Variants in VPS13C observed in about 807,000 individuals in gnomAD.
VPS13C encodes the protein intermembrane lipid transfer protein VPS13C.
VPS13C carries 358 observed loss-of-function variants against 456.8 expected under a neutral mutation model. The observed-to-expected ratio is 0.78, with a 90% CI of 0.72 to 0.86. The LOEUF (loss-of-function observed/expected upper bound fraction) is 0.86. Ranked by LOEUF, VPS13C falls within the 40% of genes least tolerant of loss-of-function variation. The pLI is 0.00. For synonymous variants in VPS13C, 1,578 were observed against 1,486.7 expected (o/e 1.06, Z -1.41); for missense variants, 4,818 against 4,385.4 (o/e 1.10, Z -2.79).
intron 13 of VPS13C, 26 bp from the exon 14 acceptor site, chr15:62,008,787 T>C: frequency 7.5e-7 from 1 of 1,337,598 alleles, no homozygotes; most frequent in Non-Finnish European, 1.0e-6. Flanking sequence ...TAAAATTATA[T>C]TTATTACACT....
intron 3 of VPS13C, among the ~76,000 whole-genome samples, chr15:62,040,241 T>A (rs1453644832): frequency 1.3e-5 from 2 of 151,992 alleles, no homozygotes; most frequent in African/African-American, 4.8e-5. Flanking sequence ...GGTTAATGAA[T>A]ACAAAAACAA....
intron 20 of VPS13C, among the ~76,000 whole-genome samples, chr15:61,983,271 T>A (rs2140392216): frequency 6.6e-6 from 1 of 152,166 alleles, no homozygotes; most frequent in East Asian, 1.9e-4. Context: ...CTACAAGTGA[T>A]GCAATGAGTA....
chr15:61,858,938 T>A lies in VPS13C; in HGVS notation c.10953-2529A>T, dbSNP rs969593678. ...GGACTGATTCTCTTCCAGTATAACA[T>A]CCAAACCGCCAAGGATCTTTTAAAA... On this transcript the variant is annotated intron_variant, in intron 82 of 84. Coordinates refer to ENST00000644861, the MANE Select transcript of VPS13C (RefSeq NM_020821.3). The surrounding 1 kb of genome is among the most constrained non-coding windows in gnomAD (Gnocchi z 4.4). Among the ~76,000 whole-genome samples, 1 of 152,144 alleles carries A rather than the reference T, an allele frequency of 6.6e-6. No individual in the cohort carries two copies. Among genetic ancestry groups the A allele is most frequent in the Non-Finnish European group, 1.5e-5 (1 of 68,030 alleles).
intron 22 of VPS13C, among the ~76,000 whole-genome samples, chr15:61,980,395 G>C (rs535049701): frequency 6.6e-6 from 1 of 152,050 alleles, no homozygotes; most frequent in Non-Finnish European, 1.5e-5. Flanking sequence ...CTTTCTGGAG[G>C]CCCAAAGAAC....
Position 61,914,903 on chromosome 15 carries a change from A to C in VPS13C, c.8445+730T>G, listed in dbSNP as rs1230329880. 3.9e-5 allele frequency among the ~76,000 whole-genome samples: 5 copies of C among 127,942 alleles called. No individual in the cohort carries two copies. The East Asian group carries it at 1.2e-3, about 31-fold the overall frequency. The allele number at this position is 127,942 out of a possible 152,430, so 83.9% of individuals were successfully genotyped here. On this transcript the variant is annotated intron_variant, in intron 61 of 84. Transcript: ENST00000644861. ...TAAAAAAAAAAAAAAAAAAAAAAAAAAAAAAACCTTTAGGTGTTTCTAATA... is the reference window on the plus strand; with the variant it reads ...TAAAAAAAAAAAAAAAAAAAAAAAACAAAAAACCTTTAGGTGTTTCTAATA...
chr15:62,044,191 C>A (rs779385526), intron 2 of VPS13C, 21 bp downstream of exon 2: 45 of 1,459,830 alleles, frequency 3.1e-5, no homozygotes, highest in Non-Finnish European at 3.9e-5. Context: ...GAGTTATTAG[C>A]ATAGTTTAAA....
chr15:61,906,455 C>T (rs528525089), intron 66 of VPS13C, among the ~76,000 whole-genome samples: 75 of 152,276 alleles, frequency 4.9e-4, no homozygotes, highest in African/African-American at 1.7e-3. Context: ...GTCATTGCTA[C>T]CTTCTCTCTA....
In VPS13C at chr15:61,887,672, C is replaced by G. The variant is rs1200103919; in HGVS notation, c.9341+2493G>C. On this transcript the variant is annotated intron_variant, in intron 67 of 84. Coordinates refer to ENST00000644861, the MANE Select transcript of VPS13C (RefSeq NM_020821.3). The stretch of plus-strand genomic sequence containing the variant: ...CACCACTGCACTCCAGCCTGGGCAA[C>G]AGAGTGACACTCTGTCTCAAAAATA... Among the ~76,000 whole-genome samples, 4 of 152,112 alleles carry G rather than the reference C, an allele frequency of 2.6e-5. No homozygotes were observed. In the East Asian group the frequency reaches 7.7e-4, roughly 29 times the overall value.
At chr15:61,854,806 A>G (rs1011580197) in intron 84 of VPS13C, 65 bp downstream of exon 84, 17 of 1,403,646 alleles carry the variant, frequency 1.2e-5, no homozygotes, top group Middle Eastern at 1.8e-4. Context: ...GGTATTCATT[A>G]TAAGAGGCTT....
At chr15:62,050,783 CAGCCAGAGCA>C (rs1382924827) in intron 1 of VPS13C, among the ~76,000 whole-genome samples, 1 of 137,126 alleles carries the variant, frequency 7.3e-6, no homozygotes, top group Admixed American at 8.1e-5. Context: ...GCCTCAGTGA[CAGCCAGAGCA>C]AGACCCAGTC....
chr15:62,015,747 A>T (rs2047215671), intron 9 of VPS13C, among the ~76,000 whole-genome samples: 2 of 111,052 alleles, frequency 1.8e-5, no homozygotes, highest in African/African-American at 3.5e-5. Context: ...GGACACAGGA[A>T]GGGGAATATC....
In VPS13C at chr15:61,931,141, T is replaced by G; in HGVS notation, c.5987A>C (p.Lys1996Thr). The G allele has an allele frequency of 1.2e-6, 2 of 1,614,168 alleles. No homozygotes were observed. The highest frequency in any genetic ancestry group is 1.7e-6 in the Non-Finnish European group (2 of 1,180,024). ...DGSMNVSVKL[K>T]TCTLDDLREG... ...TCTGAGATCATCAAGGGTGCATGTCTTAAGTTTAACGCTGACATTCATTGA... is the reference window on the plus strand; with the variant it reads ...TCTGAGATCATCAAGGGTGCATGTCGTAAGTTTAACGCTGACATTCATTGA... Residue 1996 changes from lysine (K) to threonine (T), a missense_variant, in exon 50 of 85, where the codon AAG becomes ACG. Physicochemically the swap from Lys to Thr is moderately conservative, Grantham distance 78. Transcript: ENST00000644861.
In VPS13C at chr15:61,985,360, G is replaced by A. The variant is rs368942677; in HGVS notation, c.1579-361C>T. 4.6e-5 allele frequency among the ~76,000 whole-genome samples: 7 copies of A among 152,090 alleles called. No individual in the cohort carries two copies. The South Asian group carries it at 6.2e-4, about 14-fold the overall frequency. ...CAACCTCCACCTCCTGGGTTCAAGCGACTCTCCTGCCTCAGCCTCCCGAGT... is the reference window on the plus strand; with the variant it reads ...CAACCTCCACCTCCTGGGTTCAAGCAACTCTCCTGCCTCAGCCTCCCGAGT... On this transcript the variant is annotated intron_variant, in intron 18 of 84. Coordinates refer to ENST00000644861, the MANE Select transcript of VPS13C (RefSeq NM_020821.3).
chr15:62,036,839 T>C (rs1337764896), intron 3 of VPS13C, among the ~76,000 whole-genome samples: 1 of 151,878 alleles, frequency 6.6e-6, no homozygotes, highest in East Asian at 1.9e-4. Context: ...TTTAAATTTT[T>C]AAGAAAACGG....
chr15:61,955,177 C>A (rs1167619781), intron 37 of VPS13C, among the ~76,000 whole-genome samples: 1 of 152,148 alleles, frequency 6.6e-6, no homozygotes, highest in Non-Finnish European at 1.5e-5. Flanking sequence ...CAACAGCTAT[C>A]ACTTGCTAAG....
chr15:61,922,790 T>TATAATAA (rs1412169824), intron 53 of VPS13C, 28 bp from the exon 54 acceptor site: 1 of 1,516,644 alleles, frequency 6.6e-7, no homozygotes, highest in Non-Finnish European at 8.8e-7. Context: ...GAAAAATATT[T>TATAATAA]ATAATAAATT....
At chr15:62,030,576 A>T (rs546662295) in intron 5 of VPS13C, among the ~76,000 whole-genome samples, 1 of 152,252 alleles carries the variant, frequency 6.6e-6, no homozygotes, top group Admixed American at 6.5e-5. Flanking sequence ...CAATGCAAAA[A>T]CTGCCTAACA....
chr15:61,895,247 A>G (rs2042771862), intron 66 of VPS13C, among the ~76,000 whole-genome samples: 1 of 152,290 alleles, frequency 6.6e-6, no homozygotes, highest in Non-Finnish European at 1.5e-5. Context: ...ATAAATGCCT[A>G]TATCAAAAAA....
chr15:61,922,411 C>G lies in VPS13C; in HGVS notation c.6961G>C (p.Asp2321His). 1 of 1,612,976 alleles carries G rather than the reference C, an allele frequency of 6.2e-7. No homozygotes were observed. Among genetic ancestry groups the G allele is most frequent in the Non-Finnish European group, 8.5e-7 (1 of 1,179,422 alleles). ...TGTGGCCATACCTGTAGTGTCACGTCAGCAACAGCAGCCATTAGAGAAGTC... is the reference window on the plus strand; with the variant it reads ...TGTGGCCATACCTGTAGTGTCACGTGAGCAACAGCAGCCATTAGAGAAGTC... ...NWTSLMAAVA[D>H]VTLQVHYYNE... The change falls in exon 54 of 85, where the codon GAC (aspartate) becomes CAC (histidine). Residue 2321 changes from aspartate to histidine, a missense_variant. Coordinates refer to ENST00000644861, the MANE Select transcript of VPS13C (RefSeq NM_020821.3).
Sources: allele counts gnomAD v4.1 joint callset (sites outside exome capture counted in the v4.1 genomes callset), GRCh38; gene constraint gnomAD v4.1.1; non-coding constraint Gnocchi (gnomAD v3.1); transcripts MANE v1.5; gene names NCBI Gene and HGNC (gene_info 2026-07-23, HGNC 2026-07-21).